ACOT7: variants seen among roughly 807,000 people sequenced by gnomAD.
The protein encoded by ACOT7 is acyl-CoA thioesterase 7.
Under a neutral mutation model 40.2 loss-of-function variants are expected in ACOT7, and 12 were observed. That is an observed-to-expected ratio of 0.30 (90% CI 0.19 to 0.48). ACOT7 has a LOEUF of 0.48. Ranked by LOEUF, ACOT7 falls within the 20% of genes least tolerant of loss-of-function variation. The pLI is 0.99. For synonymous variants in ACOT7, 228 were observed against 219.5 expected, an observed-to-expected ratio of 1.04 and a Z score of -0.34; for missense variants, 395 against 530.8, an observed-to-expected ratio of 0.74 and a Z score of 2.51.
rs1640166900 is a variant in ACOT7, at chr1:6,306,718, G to A, written c.713-11738C>T. On this transcript the variant is annotated intron_variant, in intron 6 of 8. Coordinates refer to ENST00000361521, the MANE Select transcript of ACOT7 (RefSeq NM_007274.4). This position sits in a 1 kb window ranked among gnomAD's most constrained non-coding sequence, Gnocchi z 4.3. ...CCCCTAGACCAGAAGTTCCTCAAGA[G>A]TAGGGAACAGCTCTTCGTCCACCTT... is the stretch of plus-strand genomic sequence containing the variant. The A allele has an allele frequency of 8.2e-7, 1 of 1,223,124 alleles. No homozygotes were observed. The highest frequency in any genetic ancestry group is 1.4e-5 in the South Asian group (1 of 70,276). 75.8% of individuals were successfully genotyped at this position (1,223,124 alleles called of 1,614,324 possible).
At chr1:6,272,120 A>G (rs1639053733) in intron 8 of ACOT7, among the ~76,000 whole-genome samples, 2 of 152,206 alleles carry the variant, frequency 1.3e-5, no homozygotes, top group African/African-American at 2.4e-5. Context: ...CCGCGTGCTC[A>G]TGGCACACCT....
intron 3 of ACOT7, 143 bp from the exon 4 acceptor site, chr1:6,333,711 ACCCCCAAG>A (rs893509429): frequency 1.0e-5 from 8 of 768,352 alleles, no homozygotes; most frequent in African/African-American, 3.8e-5. Flanking sequence ...CTGGCCCCCA[ACCCCCAAG>A]CCCCCAAGCC....
In ACOT7 at chr1:6,278,844, G is replaced by A. The variant is rs1230690077; in HGVS notation, c.1014+2258C>T. 6.6e-6 allele frequency among the ~76,000 whole-genome samples: 1 copy of A among 152,234 alleles called. No homozygotes were observed. The highest frequency in any genetic ancestry group is 1.5e-5 in the Non-Finnish European group (1 of 68,042). Reference sequence around the variant, plus strand: ...GGCTTCACTGAGGGCCTGGTCAGCTGTGCTACAGACAGGGAGCGGACAGCA... The same window carrying A: ...GGCTTCACTGAGGGCCTGGTCAGCTATGCTACAGACAGGGAGCGGACAGCA... On this transcript the variant is annotated intron_variant, in intron 8 of 8. Transcript: ENST00000361521. This position sits in a 1 kb window ranked among gnomAD's most constrained non-coding sequence, Gnocchi z 4.1.
chr1:6,356,326 C>A (rs1413195662), intron 1 of ACOT7, among the ~76,000 whole-genome samples: 1 of 152,154 alleles, frequency 6.6e-6, no homozygotes, highest in Non-Finnish European at 1.5e-5. Context: ...CCGGAGGTCT[C>A]TGATGCTCCC....
At chr1:6,393,134 G>A (rs549939246) in intron 1 of ACOT7, 123 bp downstream of exon 1, 3 of 1,086,548 alleles carry the variant, frequency 2.8e-6, no homozygotes, top group South Asian at 9.0e-5. Context: ...GCGGAAGGCC[G>A]TGCGGGGAAT....
At chr1:6,362,173 G>C (rs991392512) in intron 1 of ACOT7, among the ~76,000 whole-genome samples, 1 of 152,220 alleles carries the variant, frequency 6.6e-6, no homozygotes, top group Non-Finnish European at 1.5e-5. Flanking sequence ...GCTCACGCCT[G>C]TAATCCCAGC....
chr1:6,371,573 G>C (rs1642134921), intron 1 of ACOT7, among the ~76,000 whole-genome samples: 1 of 151,896 alleles, frequency 6.6e-6, no homozygotes, highest in Admixed American at 6.6e-5. Flanking sequence ...ATGTTGGCCA[G>C]GCTGGTCTCA....
chr1:6,378,257 G>C (rs1449692432), intron 1 of ACOT7, among the ~76,000 whole-genome samples: 2 of 151,538 alleles, frequency 1.3e-5, no homozygotes, highest in African/African-American at 4.8e-5. Context: ...GGGAGGGGCA[G>C]TGTCTATGAT....
intron 3 of ACOT7, 152 bp from the exon 4 acceptor site, chr1:6,333,720 C>G (rs1641024955): frequency 1.4e-6 from 1 of 691,494 alleles, no homozygotes; most frequent in Non-Finnish European, 2.5e-6. Flanking sequence ...AACCCCCAAG[C>G]CCCCAAGCCC....
intron 1 of ACOT7, among the ~76,000 whole-genome samples, chr1:6,350,739 C>A (rs897999239): frequency 6.6e-6 from 1 of 152,206 alleles, no homozygotes; most frequent in African/African-American, 2.4e-5. Context: ...CCCAGCCTTG[C>A]TGGACAGTGT....
chr1:6,349,635 G>T, intron 2 of ACOT7, 114 bp downstream of exon 2: 1 of 993,620 alleles, frequency 1.0e-6, no homozygotes, highest in Non-Finnish European at 1.5e-6. Context: ...AGTTCCCAAG[G>T]CCCAGTGCAC....
At chr1:6,305,856 G>T (rs1235600747) in intron 6 of ACOT7, among the ~76,000 whole-genome samples, 8 of 152,264 alleles carry the variant, frequency 5.3e-5, no homozygotes, top group African/African-American at 1.9e-4. Flanking sequence ...GGTGGAGGTT[G>T]TAGCGAGCCG....
intron 1 of ACOT7, among the ~76,000 whole-genome samples, chr1:6,350,167 G>A (rs1055608303): frequency 2.6e-5 from 4 of 152,214 alleles, no homozygotes; most frequent in African/African-American, 9.6e-5. Context: ...TGATGGTGAA[G>A]ACCTTTAAGC....
intron 6 of ACOT7, among the ~76,000 whole-genome samples, chr1:6,302,147 G>A (rs552266023): frequency 2.6e-5 from 4 of 152,212 alleles, no homozygotes; most frequent in East Asian, 1.9e-4. Flanking sequence ...AAATCAGGAC[G>A]GTGTAGCATC....
At chr1:6,336,461 C>T (rs1641105550) in intron 3 of ACOT7, among the ~76,000 whole-genome samples, 1 of 151,866 alleles carries the variant, frequency 6.6e-6, no homozygotes, top group African/African-American at 2.4e-5. Flanking sequence ...GATAAATGAG[C>T]TGCCTCAAAG....
chr1:6,293,413 G>T (rs1322368611), intron 7 of ACOT7, among the ~76,000 whole-genome samples: 1 of 152,182 alleles, frequency 6.6e-6, no homozygotes, highest in African/African-American at 2.4e-5. Context: ...TGTGGGGGAC[G>T]AGCTAAAACA....
chr1:6,326,546 T>C (rs1640803278), intron 5 of ACOT7, among the ~76,000 whole-genome samples: 1 of 152,196 alleles, frequency 6.6e-6, no homozygotes, highest in South Asian at 2.1e-4. Flanking sequence ...CCAATCAATG[T>C]CTGAACAGTG....
chr1:6,273,403 T>C (rs1377351256), intron 8 of ACOT7, among the ~76,000 whole-genome samples: 1 of 152,182 alleles, frequency 6.6e-6, no homozygotes, highest in Non-Finnish European at 1.5e-5. Context: ...CAGGGGCAGC[T>C]TCAGGATGCA....
intron 6 of ACOT7, among the ~76,000 whole-genome samples, chr1:6,312,992 C>T (rs1640382598): frequency 6.6e-6 from 1 of 152,176 alleles, no homozygotes; most frequent in South Asian, 2.1e-4. Context: ...GGACTCCAGA[C>T]CAGTAGCCTC....
Sources: gnomAD v4.1 joint callset for allele counts (sites outside exome capture counted in the v4.1 genomes callset) on GRCh38, gnomAD v4.1.1 for gene constraint, Gnocchi (gnomAD v3.1) non-coding constraint, MANE v1.5 for transcripts, NCBI Gene and HGNC (gene_info 2026-07-23, HGNC 2026-07-21) for gene names.